IL1RAPL1: variants seen among roughly 807,000 people sequenced by gnomAD.
IL1RAPL1 encodes interleukin 1 receptor accessory protein like 1, also known as interleukin-1 receptor accessory protein-like 1.
IL1RAPL1 carries 3 observed loss-of-function variants against 48.4 expected under a neutral mutation model. The ratio of observed to expected loss-of-function variants is 0.06; its 90% CI spans 0.03 to 0.16. IL1RAPL1 has a LOEUF of 0.16. IL1RAPL1 is among the 10% of genes least tolerant of loss of function. The pLI is 1.00. For missense variants in IL1RAPL1, 349 were observed against 530.6 expected, an observed-to-expected ratio of 0.66 and a Z score of 3.36; for synonymous variants, 185 against 187.7, an observed-to-expected ratio of 0.99 and a Z score of 0.12.
intron 5 of IL1RAPL1, among the ~76,000 whole-genome samples, chrX:29,667,070 T>G (rs1369866008): frequency 8.9e-6 from 1 of 112,145 alleles, no homozygotes; most frequent in Non-Finnish European, 1.9e-5. Context: ...ATCATATCTT[T>G]GAGAAGAATT....
chrX:29,021,595 A>G (rs1926370304), intron 2 of IL1RAPL1, among the ~76,000 whole-genome samples: 1 of 112,300 alleles, frequency 8.9e-6, no homozygotes, highest in African/African-American at 3.2e-5. Flanking sequence ...AATTTCTACT[A>G]GAATTTTTGT....
chrX:29,641,295 T>C (rs762076058), intron 5 of IL1RAPL1, among the ~76,000 whole-genome samples: 29 of 113,167 alleles, frequency 2.6e-4, no homozygotes, highest in Non-Finnish European at 4.9e-4. Flanking sequence ...ACTTGTTTGC[T>C]TATCCTTCTG....
chrX:28,892,596 A>C (rs988848483), intron 2 of IL1RAPL1, among the ~76,000 whole-genome samples: 1 of 111,035 alleles, frequency 9.0e-6, no homozygotes, highest in African/African-American at 3.3e-5. Context: ...TTATATTAAT[A>C]AGAAAAATAA....
At chrX:29,089,934 T>C (rs1928052600) in intron 2 of IL1RAPL1, among the ~76,000 whole-genome samples, 1 of 104,867 alleles carries the variant, frequency 9.5e-6, no homozygotes, top group Non-Finnish European at 2.0e-5. Flanking sequence ...AGGGCTTCAT[T>C]TCCTGAAGTC....
intron 5 of IL1RAPL1, among the ~76,000 whole-genome samples, chrX:29,407,907 C>A (rs958847531): frequency 2.7e-5 from 3 of 112,188 alleles, no homozygotes; most frequent in Non-Finnish European, 5.6e-5. Flanking sequence ...GCATAAAATT[C>A]TGTTTTGCAT....
chrX:29,819,819 A>C (rs1430330482), intron 6 of IL1RAPL1, among the ~76,000 whole-genome samples: 1 of 104,833 alleles, frequency 9.5e-6, no homozygotes, highest in Non-Finnish European at 1.9e-5. Flanking sequence ...AGGCTCTACT[A>C]TATTTAAGAG....
chrX:29,168,555 G>GTATATATATATATATATATATA (rs751368369), intron 2 of IL1RAPL1, among the ~76,000 whole-genome samples: 1 of 52,466 alleles, frequency 1.9e-5, no homozygotes, highest in African/African-American at 5.8e-5. Context: ...GTATTCAATT[G>GTATATATATATATATATATATA]TATATATATA....
chrX:29,509,419 T>C (rs1402379400), intron 5 of IL1RAPL1, among the ~76,000 whole-genome samples: 1 of 112,617 alleles, frequency 8.9e-6, no homozygotes, highest in Non-Finnish European at 1.9e-5. Flanking sequence ...GATTGTAGCC[T>C]AGCCACATTG....
chrX:29,297,901 C>A (rs1932473316), intron 3 of IL1RAPL1, among the ~76,000 whole-genome samples: 1 of 111,487 alleles, frequency 9.0e-6, no homozygotes, highest in African/African-American at 3.3e-5. Context: ...AGAATGATTG[C>A]AGCAATCTGA....
intron 6 of IL1RAPL1, among the ~76,000 whole-genome samples, chrX:29,743,794 C>T (rs1928266808): frequency 8.9e-6 from 1 of 112,220 alleles, no homozygotes; most frequent in Non-Finnish European, 1.9e-5. Flanking sequence ...AGGTCTTTCT[C>T]TTTTTAACTT....
chrX:28,876,266 A>C (rs1167291506), intron 2 of IL1RAPL1, among the ~76,000 whole-genome samples: 1 of 111,754 alleles, frequency 8.9e-6, no homozygotes, highest in Non-Finnish European at 1.9e-5. Flanking sequence ...CTGTGGCAGG[A>C]GGAAGGGGAG....
chrX:28,994,847 G>A (rs1237339864), intron 2 of IL1RAPL1, among the ~76,000 whole-genome samples: 1 of 111,910 alleles, frequency 8.9e-6, no homozygotes, highest in Non-Finnish European at 1.9e-5. Flanking sequence ...TCTTATAGAA[G>A]AGTGATCATA....
intron 3 of IL1RAPL1, among the ~76,000 whole-genome samples, chrX:29,380,030 G>A (rs1023014089): frequency 9.1e-6 from 1 of 109,684 alleles, no homozygotes; most frequent in Non-Finnish European, 1.9e-5. Flanking sequence ...TTGTCTTTCT[G>A]TACCTGACCT....
intron 1 of IL1RAPL1, among the ~76,000 whole-genome samples, chrX:28,612,364 T>C (rs1020880170): frequency 8.0e-5 from 9 of 112,092 alleles, no homozygotes; most frequent in African/African-American, 2.6e-4. Context: ...AAGAGGCCCA[T>C]AGAGGCCCTA....
At chrX:29,164,608 C>T (rs1452470228) in intron 2 of IL1RAPL1, among the ~76,000 whole-genome samples, 2 of 111,379 alleles carry the variant, frequency 1.8e-5, no homozygotes, top group Non-Finnish European at 3.8e-5. Context: ...ACTTTGAAAT[C>T]AAAGTCTAAG....
intron 6 of IL1RAPL1, among the ~76,000 whole-genome samples, chrX:29,895,023 C>T (rs1468902168): frequency 6.5e-5 from 7 of 108,480 alleles, no homozygotes; most frequent in African/African-American, 2.4e-4. Context: ...GGGGTTTCAC[C>T]ATATTGGCCA....
At chrX:29,210,958 G>T (rs1930757686) in intron 2 of IL1RAPL1, among the ~76,000 whole-genome samples, 1 of 112,175 alleles carries the variant, frequency 8.9e-6, no homozygotes, top group Admixed American at 9.5e-5. Flanking sequence ...GCCATCTGTT[G>T]TCTTTCGTCA....
chrX:29,953,856 G>C (rs865880787), intron 9 of IL1RAPL1, among the ~76,000 whole-genome samples: 5 of 107,568 alleles, frequency 4.6e-5, no homozygotes, highest in Middle Eastern at 4.7e-3. Context: ...GCCAAGGGTA[G>C]AATCAGTTGA....
At chrX:28,990,346 T>C (rs1925573839) in intron 2 of IL1RAPL1, among the ~76,000 whole-genome samples, 1 of 112,132 alleles carries the variant, frequency 8.9e-6, no homozygotes, top group East Asian at 2.8e-4. Flanking sequence ...ATCTCAGAAG[T>C]TTCTTAAAAC....
Sources: allele counts gnomAD v4.1 joint callset (sites outside exome capture counted in the v4.1 genomes callset), GRCh38; gene constraint gnomAD v4.1.1; transcripts MANE v1.5; gene names NCBI Gene and HGNC (gene_info 2026-07-23, HGNC 2026-07-21).